The following NRG3 variants were observed in gnomAD, a reference collection of about 807,000 sequenced individuals.
NRG3 encodes the protein pro-neuregulin-3, membrane-bound isoform.
Under a neutral mutation model 66.9 loss-of-function variants are expected in NRG3, and 31 were observed. The ratio of observed to expected loss-of-function variants is 0.46; its 90% CI spans 0.35 to 0.63. The LOEUF (loss-of-function observed/expected upper bound fraction) is 0.63, where lower values mean the gene tolerates loss of function less well. Among genes scored for constraint, NRG3 ranks in the 20% least tolerant of loss-of-function variants. The pLI is 0.00. For synonymous variants in NRG3, 393 were observed against 359.4 expected (o/e 1.09, Z -1.06); for missense variants, 910 against 878.9 (o/e 1.04, Z -0.45).
chr10:82,239,122 C>T (rs1056864331), intron 1 of NRG3, among the ~76,000 whole-genome samples: 18 of 151,360 alleles, frequency 1.2e-4, no homozygotes, highest in Admixed American at 2.6e-4. Context: ...ATTTATAATA[C>T]GATCTATTAA....
intron 2 of NRG3, among the ~76,000 whole-genome samples, chr10:82,692,158 C>A (rs2054980777): frequency 1.3e-5 from 2 of 150,068 alleles, no homozygotes; most frequent in African/African-American, 4.9e-5. Context: ...GAGTCTGAGG[C>A]AAGAAAATCG....
In NRG3 at chr10:82,720,169, C is replaced by A. The variant is rs188964464; in HGVS notation, c.954-18408C>A. Among the ~76,000 whole-genome samples, 6 of 152,298 alleles carry A rather than the reference C, an allele frequency of 3.9e-5. No homozygotes were observed. In the East Asian group the frequency reaches 1.2e-3, roughly 29 times the overall value. ...CTTCGGGAGGCCGAGGTGGGCTGAT[C>A]ACCTGAGGTCAGGGGTTCAAGACCA... On this transcript the variant is annotated intron_variant, in intron 2 of 8. Transcript: ENST00000372141.
chr10:82,140,290 A>G (rs1259499634), intron 1 of NRG3, among the ~76,000 whole-genome samples: 1 of 151,966 alleles, frequency 6.6e-6, no homozygotes, highest in Non-Finnish European at 1.5e-5. Flanking sequence ...TTTTACAATC[A>G]TTTTCTATTT....
intron 1 of NRG3, among the ~76,000 whole-genome samples, chr10:82,275,381 A>G (rs1030512804): frequency 6.6e-6 from 1 of 151,940 alleles, no homozygotes; most frequent in Non-Finnish European, 1.5e-5. Context: ...TAACAATATG[A>G]TCTTTATTTT....
In NRG3 at chr10:82,785,219, G is replaced by A. The variant is rs545871990; in HGVS notation, c.1027+46569G>A. ...GGGGCTGTTGTGGGGTAGGGGGAAG[G>A]GGGAGGGATAGCATTAGGAGATATA... On this transcript the variant is annotated intron_variant, in intron 3 of 8. Coordinates refer to ENST00000372141, the MANE Select transcript of NRG3 (RefSeq NM_001010848.4). Among the ~76,000 whole-genome samples, 390 of 151,868 alleles carry A rather than the reference G, an allele frequency of 2.6e-3. 2 individuals are homozygous for A. In the Middle Eastern group the frequency reaches 0.058, roughly 23 times the overall value.
intron 3 of NRG3, among the ~76,000 whole-genome samples, chr10:82,843,788 T>C (rs1172546700): frequency 6.6e-6 from 1 of 152,100 alleles, no homozygotes; most frequent in Admixed American, 6.6e-5. Flanking sequence ...AGTAGCAATA[T>C]TAATGAGCAG....
At chr10:82,695,909 T>C (rs555879161) in intron 2 of NRG3, among the ~76,000 whole-genome samples, 6 of 152,110 alleles carry the variant, frequency 3.9e-5, no homozygotes, top group Non-Finnish European at 8.8e-5. Context: ...ACCTGCAAGC[T>C]TCCTCTGGAG....
At chr10:81,895,575 A>G (rs1843439541) in intron 1 of NRG3, among the ~76,000 whole-genome samples, 1 of 152,174 alleles carries the variant, frequency 6.6e-6, no homozygotes, top group Non-Finnish European at 1.5e-5. Flanking sequence ...AATGCCTGTA[A>G]TAGTTGTTTT....
chr10:82,063,710 G>T (rs923483778), intron 1 of NRG3, among the ~76,000 whole-genome samples: 4 of 152,048 alleles, frequency 2.6e-5, no homozygotes, highest in Admixed American at 6.5e-5. Context: ...AAGAACTAAA[G>T]AAAGGAACTA....
chr10:82,654,115 C>T (rs1349137092), intron 2 of NRG3, among the ~76,000 whole-genome samples: 1 of 152,062 alleles, frequency 6.6e-6, no homozygotes, highest in Non-Finnish European at 1.5e-5. Context: ...CCTGGGGTTG[C>T]ATGGGATGCG....
intron 1 of NRG3, among the ~76,000 whole-genome samples, chr10:81,987,149 G>T (rs1272037753): frequency 6.6e-6 from 1 of 151,926 alleles, no homozygotes; most frequent in South Asian, 2.1e-4. Context: ...GTGCAGTGAC[G>T]CGATCTCGGC....
chr10:82,353,899 C>G (rs1185475337), intron 1 of NRG3, among the ~76,000 whole-genome samples: 1 of 151,936 alleles, frequency 6.6e-6, no homozygotes, highest in Non-Finnish European at 1.5e-5. Flanking sequence ...CTGATTTTTC[C>G]CTCCTTTAAT....
At chr10:82,983,269 C>T (rs190497989) in intron 8 of NRG3, among the ~76,000 whole-genome samples, 16 of 152,182 alleles carry the variant, frequency 1.1e-4, no homozygotes, top group Non-Finnish European at 1.8e-4. Flanking sequence ...GTGCTGAGAG[C>T]GAAACAAAAG....
intron 2 of NRG3, among the ~76,000 whole-genome samples, chr10:82,731,195 C>T (rs1293706875): frequency 1.3e-5 from 2 of 151,652 alleles, no homozygotes; most frequent in Non-Finnish European, 2.9e-5. Context: ...GGTGAAACCC[C>T]ATCTCTACTA....
At chr10:82,663,335 A>G (rs1302393692) in intron 2 of NRG3, among the ~76,000 whole-genome samples, 1 of 152,226 alleles carries the variant, frequency 6.6e-6, no homozygotes, top group Non-Finnish European at 1.5e-5. Context: ...ATTTAATTGC[A>G]TAAGTCAATT....
chr10:82,120,326 T>C (rs2068004043), intron 1 of NRG3, among the ~76,000 whole-genome samples: 1 of 152,186 alleles, frequency 6.6e-6, no homozygotes, highest in Non-Finnish European at 1.5e-5. Flanking sequence ...TTTCTTTTAC[T>C]GGAGTTGGTC....
chr10:82,984,312 G>A (rs1017136790), intron 8 of NRG3, among the ~76,000 whole-genome samples: 3 of 152,136 alleles, frequency 2.0e-5, no homozygotes, highest in African/African-American at 7.2e-5. Flanking sequence ...ACTTGTGATG[G>A]CATATTGGCA....
intron 4 of NRG3, among the ~76,000 whole-genome samples, chr10:82,879,535 C>T (rs1261570902): frequency 6.8e-6 from 1 of 146,296 alleles, no homozygotes; most frequent in Non-Finnish European, 1.5e-5. Flanking sequence ...TGCAGTGGCG[C>T]GATCTCGGCT....
chr10:81,956,357 G>A (rs915609854), intron 1 of NRG3, among the ~76,000 whole-genome samples: 1 of 152,180 alleles, frequency 6.6e-6, no homozygotes, highest in Non-Finnish European at 1.5e-5. Flanking sequence ...GCTGAAGCCA[G>A]CATCACTTGC....
Sources: allele counts gnomAD v4.1 joint callset (sites outside exome capture counted in the v4.1 genomes callset), GRCh38; gene constraint gnomAD v4.1.1; transcripts MANE v1.5; gene names NCBI Gene and HGNC (gene_info 2026-07-23, HGNC 2026-07-21).